CYP4Z1: variants seen among roughly 807,000 people sequenced by gnomAD.
CYP4Z1 encodes cytochrome P450 4Z1.
Under a neutral mutation model 54.2 loss-of-function variants are expected in CYP4Z1, and 41 were observed. The ratio of observed to expected loss-of-function variants is 0.76; its 90% confidence interval spans 0.59 to 0.98. The LOEUF (loss-of-function observed/expected upper bound fraction) is 0.98, where lower values mean the gene tolerates loss of function less well. Ranked by LOEUF, CYP4Z1 falls within the 50% of genes least tolerant of loss-of-function variation. The pLI is 0.00. For synonymous variants in CYP4Z1, 163 were observed against 206.2 expected, an observed-to-expected ratio of 0.79 and a Z score of 1.79; for missense variants, 513 against 599.0, an observed-to-expected ratio of 0.86 and a Z score of 1.50.
At chr1:47,097,355 A>G (rs1644686059) in intron 7 of CYP4Z1, among the ~76,000 whole-genome samples, 1 of 152,062 alleles carries the variant, frequency 6.6e-6, no homozygotes, top group African/African-American at 2.4e-5. Context: ...GTCAAATGCT[A>G]TTGCTTTTGA....
rs1414620103 is a variant in CYP4Z1 at position 47,106,273 on chromosome 1, T to A, written c.1201+12T>A. ...CTCCTTACCTGCAGGTCTTAAAACT[T>A]TTTTTTTTTTTTTTAACAATGCAGC... On this transcript the variant is annotated intron_variant, in intron 9 of 11. Transcript: ENST00000334194. 2 of 347,974 alleles carry A rather than the reference T, an allele frequency of 5.7e-6. No homozygotes were observed. Among genetic ancestry groups the A allele is most frequent in the East Asian group, 0.029 (1 of 34 alleles). The allele number at this position is 347,974 out of a possible 1,614,324, so 21.6% of individuals were successfully genotyped here. A position where few individuals can be genotyped will look rare whatever the true frequency, so the allele number is the denominator to read the frequency against.
At chr1:47,107,414 C>G (rs1196864293) in intron 9 of CYP4Z1, among the ~76,000 whole-genome samples, 2 of 151,954 alleles carry the variant, frequency 1.3e-5, no homozygotes, top group Non-Finnish European at 2.9e-5. Flanking sequence ...TCATGGGGAT[C>G]TTTGCAATCA....
intron 9 of CYP4Z1, 33 bp from the exon 10 acceptor site, chr1:47,115,496 T>C (rs2148543755): frequency 6.3e-7 from 1 of 1,595,120 alleles, no homozygotes; most frequent in Non-Finnish European, 8.6e-7. Context: ...TCTTCGCTCA[T>C]GCACTTACCT....
At chr1:47,089,587 T>TA (rs1557626712) in intron 6 of CYP4Z1, among the ~76,000 whole-genome samples, 1 of 152,248 alleles carries the variant, frequency 6.6e-6, no homozygotes, top group Non-Finnish European at 1.5e-5. Flanking sequence ...CAAACTCTGT[T>TA]ATGGCCTATA....
At chr1:47,101,803 A>C (rs1377073810) in intron 8 of CYP4Z1, among the ~76,000 whole-genome samples, 1 of 152,092 alleles carries the variant, frequency 6.6e-6, no homozygotes, top group Non-Finnish European at 1.5e-5. Flanking sequence ...TTTCTTTATA[A>C]ATTAATAAAT....
rs148698033 is a variant in CYP4Z1, at chr1:47,113,523, C to T, written c.1202-2006C>T. ...CCCATTTAAGTGTCATCATAACAGACGCTTCTTAAATGGTTAACGAAATTA... is the reference window on the plus strand; with the variant it reads ...CCCATTTAAGTGTCATCATAACAGATGCTTCTTAAATGGTTAACGAAATTA... On this transcript the variant is annotated intron_variant, in intron 9 of 11. Coordinates refer to ENST00000334194, the MANE Select transcript of CYP4Z1 (RefSeq NM_178134.3). Among the ~76,000 whole-genome samples, 353 of 152,240 alleles carry T rather than the reference C, an allele frequency of 2.3e-3. 2 individuals are homozygous for T. Among genetic ancestry groups the T allele is most frequent in the African/African-American group, 8.0e-3 (333 of 41,538 alleles).
At chr1:47,057,560 T>G in the CYP4Z1 span, among the ~76,000 whole-genome samples, 2 of 149,414 alleles carry the variant, frequency 1.3e-5, no homozygotes, top group African/African-American at 4.9e-5. Flanking sequence ...GTCACTGAAT[T>G]TTTCTTTTGC....
intron 4 of CYP4Z1, among the ~76,000 whole-genome samples, chr1:47,083,160 T>C (rs1328252229): frequency 1.3e-5 from 2 of 152,020 alleles, no homozygotes; most frequent in Non-Finnish European, 2.9e-5. Context: ...AGCAATTCTA[T>C]ACACAGGATC....
chr1:47,079,741 G>C (rs1644550146), intron 2 of CYP4Z1, among the ~76,000 whole-genome samples: 1 of 152,188 alleles, frequency 6.6e-6, no homozygotes, highest in Non-Finnish European at 1.5e-5. Context: ...GATAGAGGAA[G>C]AGGAGGCTAT....
At chr1:47,116,593 G>GT (rs1217649678) in intron 10 of CYP4Z1, 57 bp from the exon 11 acceptor site, 59 of 1,199,392 alleles carry the variant, frequency 4.9e-5, no homozygotes, top group Non-Finnish European at 6.6e-5. Flanking sequence ...TTTTGTTTTT[G>GT]TTTTTTGTGG....
At chr1:47,093,912 CAG>C (rs555537240) in intron 6 of CYP4Z1, among the ~76,000 whole-genome samples, 168 of 152,296 alleles carry the variant, frequency 1.1e-3, no homozygotes, top group African/African-American at 4.0e-3. Context: ...AGCCTTTTGG[CAG>C]AGTCTTCAGG....
At position 47,106,148 on chromosome 1, in the gene CYP4Z1, C is replaced by G; in HGVS notation, c.1088C>G (p.Pro363Arg). The G allele has an allele frequency of 1.2e-6, 2 of 1,613,936 alleles. No individual in the cohort carries two copies. Among genetic ancestry groups the G allele is most frequent in the Non-Finnish European group, 1.7e-6 (2 of 1,179,902 alleles). ...SITWEHLSQM[P>R]YTTMCIKECL... ...CCCAGGGAACACCTGAGCCAGATGC[C>G]TTACACCACGATGTGCATCAAGGAA... The change falls in exon 9 of 12, where the codon CCT becomes CGT. Residue 363 changes from proline (P) to arginine (R), a missense_variant. Pro to Arg is a moderately radical substitution (Grantham distance 103). Coordinates refer to ENST00000334194, the MANE Select transcript of CYP4Z1 (RefSeq NM_178134.3).
intron 4 of CYP4Z1, among the ~76,000 whole-genome samples, 156 bp downstream of exon 4, chr1:47,082,617 G>A (rs866210517): frequency 2.0e-5 from 3 of 152,008 alleles, no homozygotes; most frequent in Middle Eastern, 3.4e-3. Flanking sequence ...TCAGGGCAAG[G>A]ACCCTGTCTT....
chr1:47,103,248 T>C (rs1644732717), intron 8 of CYP4Z1, among the ~76,000 whole-genome samples: 1 of 151,992 alleles, frequency 6.6e-6, no homozygotes, highest in Non-Finnish European at 1.5e-5. Flanking sequence ...GGCATGATCA[T>C]AGCTCACTGC....
intron 6 of CYP4Z1, among the ~76,000 whole-genome samples, chr1:47,089,453 A>AT (rs1644622411): frequency 6.6e-6 from 1 of 151,962 alleles, no homozygotes; most frequent in Non-Finnish European, 1.5e-5. Flanking sequence ...TCTAATGACA[A>AT]GTCAAGGGGG....
intron 6 of CYP4Z1, among the ~76,000 whole-genome samples, chr1:47,086,946 A>G (rs936301068): frequency 6.6e-6 from 1 of 152,232 alleles, no homozygotes; most frequent in Non-Finnish European, 1.5e-5. Context: ...TTTATTAAAT[A>G]GGGAATCCTT....
Position 47,082,477 on chromosome 1 carries a change from A to G in CYP4Z1, c.492+16A>G. 6.2e-7 allele frequency: 1 copy of G among 1,601,380 alleles called. No homozygotes were observed. Among genetic ancestry groups the G allele is most frequent in the South Asian group, 1.1e-5 (1 of 88,276 alleles). On this transcript the variant is annotated intron_variant, in intron 4 of 11. Coordinates refer to ENST00000334194, the MANE Select transcript of CYP4Z1 (RefSeq NM_178134.3). ...GATGATGCTGGTAAGAGGAGAAGAGAGCATTCGTACCTGGCCTCTGAAGTG... is the reference window on the plus strand; with the variant it reads ...GATGATGCTGGTAAGAGGAGAAGAGGGCATTCGTACCTGGCCTCTGAAGTG...
chr1:47,107,149 T>C (rs145026661), intron 9 of CYP4Z1, among the ~76,000 whole-genome samples: 127 of 152,370 alleles, frequency 8.3e-4, no homozygotes, highest in African/African-American at 2.8e-3. Context: ...GGACTAAGCA[T>C]TGTTCCATAT....
chr1:47,104,294 G>A (rs1176482846), intron 8 of CYP4Z1, among the ~76,000 whole-genome samples: 2 of 152,224 alleles, frequency 1.3e-5, no homozygotes, highest in African/African-American at 4.8e-5. Context: ...GTGAAGTTTT[G>A]TTGGGGAATG....
Sources: gnomAD v4.1 joint callset for allele counts (sites outside exome capture counted in the v4.1 genomes callset) on GRCh38, gnomAD v4.1.1 for gene constraint, MANE v1.5 for transcripts, NCBI Gene and HGNC (gene_info 2026-07-23, HGNC 2026-07-21) for gene names.